Variants in KCND2 observed in about 807,000 individuals in gnomAD.
The protein encoded by KCND2 is A-type voltage-gated potassium channel KCND2.
Under a neutral mutation model 54.4 loss-of-function variants are expected in KCND2, and 16 were observed. That is an observed-to-expected ratio of 0.29 (90% CI 0.20 to 0.45). The LOEUF (loss-of-function observed/expected upper bound fraction) is 0.45, where lower values mean the gene tolerates loss of function less well. KCND2 is among the 20% of genes least tolerant of loss of function. The pLI, the probability that KCND2 is intolerant of heterozygous loss-of-function variation, is 1.00. For missense variants in KCND2, 486 were observed against 824.2 expected, an observed-to-expected ratio of 0.59 and a Z score of 5.02; for synonymous variants, 317 against 310.7, an observed-to-expected ratio of 1.02 and a Z score of -0.21.
At chr7:120,585,124 G>A (rs1792576406) in intron 1 of KCND2, among the ~76,000 whole-genome samples, 1 of 151,864 alleles carries the variant, frequency 6.6e-6, no homozygotes, top group Non-Finnish European at 1.5e-5. Flanking sequence ...GAGTTACCAA[G>A]TATAATAAAG....
At chr7:120,353,442 GT>G (rs1800445926) in intron 1 of KCND2, among the ~76,000 whole-genome samples, 1 of 152,044 alleles carries the variant, frequency 6.6e-6, no homozygotes, top group Admixed American at 6.6e-5. Context: ...GTAAGAGATT[GT>G]ACTGAGTGAC....
At position 120,415,913 on chromosome 7, in the gene KCND2, A is replaced by G. The variant is rs998593406; in HGVS notation, c.1115+140166A>G. On this transcript the variant is annotated intron_variant, in intron 1 of 5. Coordinates refer to ENST00000331113, the MANE Select transcript of KCND2 (RefSeq NM_012281.3). ...AAGGGACAGGCATCCATCCGTTTAC[A>G]AAATCAGAAACCGAGAAGTCATTCT... 1.4e-4 allele frequency among the ~76,000 whole-genome samples: 22 copies of G among 152,214 alleles called. 1 individual carries two copies. Among genetic ancestry groups the G allele is most frequent in the Admixed American group, 1.4e-3 (22 of 15,278 alleles).
chr7:120,633,903 G>A (rs1793269793), intron 1 of KCND2, among the ~76,000 whole-genome samples: 1 of 152,154 alleles, frequency 6.6e-6, no homozygotes, highest in African/African-American at 2.4e-5. Context: ...ACAATTTTAA[G>A]TTGGGTAGTA....
At chr7:120,626,580 C>T (rs552144910) in intron 1 of KCND2, among the ~76,000 whole-genome samples, 14 of 152,194 alleles carry the variant, frequency 9.2e-5, no homozygotes, top group Admixed American at 4.6e-4. Context: ...AGAAAAATGA[C>T]ACATCTCTAG....
chr7:120,742,179 G>A (rs1173467497), intron 3 of KCND2: 3 of 308,648 alleles, frequency 9.7e-6, no homozygotes, highest in African/African-American at 2.2e-5. Context: ...ACATGATCGT[G>A]GTTTCAAAAT....
At chr7:120,378,693 A>C (rs1178110800) in intron 1 of KCND2, among the ~76,000 whole-genome samples, 1 of 152,020 alleles carries the variant, frequency 6.6e-6, no homozygotes, top group African/African-American at 2.4e-5. Context: ...TTTAGGGATG[A>C]TTTCGGCTTT....
intron 1 of KCND2, among the ~76,000 whole-genome samples, chr7:120,590,466 G>C (rs1792656716): frequency 6.6e-6 from 1 of 152,142 alleles, no homozygotes; most frequent in Non-Finnish European, 1.5e-5. Flanking sequence ...ATATTAATAA[G>C]AAATTGAAAC....
At chr7:120,728,352 C>A (rs937376738) in intron 1 of KCND2, among the ~76,000 whole-genome samples, 27 of 148,652 alleles carry the variant, frequency 1.8e-4, no homozygotes, top group African/African-American at 6.4e-4. Context: ...AGTGCAATGG[C>A]GCCATCTCGG....
At chr7:120,693,918 G>A (rs1324753134) in intron 1 of KCND2, among the ~76,000 whole-genome samples, 2 of 152,158 alleles carry the variant, frequency 1.3e-5, no homozygotes, top group Admixed American at 1.3e-4. Flanking sequence ...GCGTGCGGTG[G>A]TTCATGCCTG....
At chr7:120,686,662 T>C (rs1419476432) in intron 1 of KCND2, among the ~76,000 whole-genome samples, 4 of 152,148 alleles carry the variant, frequency 2.6e-5, no homozygotes, top group Non-Finnish European at 5.9e-5. Context: ...GGGTCTCAGA[T>C]GCAAGCATTC....
intron 1 of KCND2, among the ~76,000 whole-genome samples, chr7:120,392,807 A>G (rs1329937393): frequency 6.6e-6 from 1 of 151,934 alleles, no homozygotes; most frequent in Admixed American, 6.6e-5. Context: ...ATTTTCATCT[A>G]ACATTAATAT....
At chr7:120,734,218 G>A (rs1345177975) in intron 2 of KCND2, among the ~76,000 whole-genome samples, 1 of 152,058 alleles carries the variant, frequency 6.6e-6, no homozygotes, top group East Asian at 1.9e-4. Flanking sequence ...CCTTTGATTG[G>A]CCAAAACTCA....
At chr7:120,438,904 C>T (rs907485466) in intron 1 of KCND2, among the ~76,000 whole-genome samples, 27 of 152,186 alleles carry the variant, frequency 1.8e-4, no homozygotes, top group Admixed American at 5.2e-4. Context: ...TTTCCCATAA[C>T]ATTCATGAAT....
intron 1 of KCND2, among the ~76,000 whole-genome samples, chr7:120,291,680 C>A (rs1235225602): frequency 4.0e-5 from 6 of 151,780 alleles, no homozygotes; most frequent in African/African-American, 1.5e-4. Context: ...GAACCAAAGA[C>A]CTGTGACTTT....
chr7:120,327,166 T>C (rs1307039504), intron 1 of KCND2, among the ~76,000 whole-genome samples: 4 of 152,098 alleles, frequency 2.6e-5, no homozygotes, highest in African/African-American at 4.8e-5. Flanking sequence ...CTATTTCTTT[T>C]CTGGCAATTT....
intron 1 of KCND2, among the ~76,000 whole-genome samples, chr7:120,432,999 C>T (rs557125380): frequency 1.3e-5 from 2 of 152,294 alleles, no homozygotes; most frequent in Admixed American, 6.5e-5. Context: ...ACTCTGGCTC[C>T]TGCTGCTGTC....
intron 1 of KCND2, among the ~76,000 whole-genome samples, chr7:120,594,197 T>A (rs1043001712): frequency 6.6e-6 from 1 of 152,300 alleles, no homozygotes; most frequent in East Asian, 1.9e-4. Flanking sequence ...GTTTTAAGAG[T>A]AGATTTCATG....
chr7:120,448,806 G>A (rs914194626), intron 1 of KCND2, among the ~76,000 whole-genome samples: 2 of 152,056 alleles, frequency 1.3e-5, no homozygotes, highest in Admixed American at 6.5e-5. Context: ...TCATATAAAC[G>A]GAACCAAAGA....
chr7:120,334,517 C>G (rs574489200), intron 1 of KCND2, among the ~76,000 whole-genome samples: 1 of 152,280 alleles, frequency 6.6e-6, no homozygotes, highest in African/African-American at 2.4e-5. Flanking sequence ...TTGAAAGATA[C>G]CTATTTCAGT....
Sources: allele counts gnomAD v4.1 joint callset (sites outside exome capture counted in the v4.1 genomes callset), GRCh38; gene constraint gnomAD v4.1.1; transcripts MANE v1.5; gene names NCBI Gene and HGNC (gene_info 2026-07-23, HGNC 2026-07-21).